Variants in AHDC1 observed in about 807,000 individuals in gnomAD.
AHDC1 encodes the protein transcription factor Gibbin.
Under a neutral mutation model 87.9 loss-of-function variants are expected in AHDC1, and 7 were observed. That is an observed-to-expected ratio of 0.08 (90% CI 0.05 to 0.15). AHDC1 has a LOEUF of 0.15. AHDC1 is among the 10% of genes least tolerant of loss of function. AHDC1 has a pLI of 1.00. For synonymous variants in AHDC1, 1,051 were observed against 1,006.8 expected (o/e 1.04, Z -0.83); for missense variants, 1,841 against 2,253.2 (o/e 0.82, Z 3.70).
intron 8 of AHDC1, among the ~76,000 whole-genome samples, chr1:27,538,503 G>A (rs1377502607): frequency 6.7e-6 from 1 of 150,332 alleles, no homozygotes; most frequent in Non-Finnish European, 1.5e-5. Context: ...TGGGCTTCAG[G>A]TTTTTTTGGT....
chr1:27,548,678 G>A lies in AHDC1; in HGVS notation c.3438C>T (p.Ser1146=). 6.2e-7 allele frequency: 1 copy of A among 1,613,406 alleles called. No individual in the cohort carries two copies. The highest frequency in any genetic ancestry group is 2.2e-5 in the East Asian group (1 of 44,880). ...VSEPNVILDI[S]NYTPQKVKQQ... ...GCTTCACCTTCTGCGGTGTGTAGTT[G>A]GAGATGTCCAGGATCACGTTGGGCT... Residue 1146 remains serine (S), a synonymous_variant, in exon 8 of 9, where the codon TCC becomes TCT. Transcript: ENST00000673934.
chr1:27,545,839 A>C (rs1319100808), intron 8 of AHDC1, among the ~76,000 whole-genome samples: 1 of 151,886 alleles, frequency 6.6e-6, no homozygotes, highest in African/African-American at 2.4e-5. Context: ...AAAGATGGGG[A>C]AACTGAGGCC....
intron 3 of AHDC1, among the ~76,000 whole-genome samples, chr1:27,589,538 TGTGA>T (rs2089164036): frequency 6.6e-6 from 1 of 152,114 alleles, no homozygotes; most frequent in Non-Finnish European, 1.5e-5. Context: ...GCGGCCTTGG[TGTGA>T]GTGAGGGCAC....
rs1571275183 is a variant in AHDC1 at position 27,563,866 on chromosome 1, T to C, written c.-628-4983A>G. 6.6e-6 allele frequency among the ~76,000 whole-genome samples: 1 copy of C among 152,044 alleles called. No homozygotes were observed. The highest frequency in any genetic ancestry group is 1.9e-4 in the East Asian group (1 of 5,196). ...CCACCTCCCCCAGCCCTCACTCCACTCCATTTCTTATTCACTGTAGTTGTG... is the reference window on the plus strand; with the variant it reads ...CCACCTCCCCCAGCCCTCACTCCACCCCATTTCTTATTCACTGTAGTTGTG... On this transcript the variant is annotated intron_variant, in intron 3 of 8. Transcript: ENST00000673934. The surrounding 1 kb of genome is among the most constrained non-coding windows in gnomAD (Gnocchi z 6.1).
At position 27,560,432 on chromosome 1, in the gene AHDC1, G is replaced by A. The variant is rs1261344160; in HGVS notation, c.-628-1549C>T. ...TGTGTGTTTGGCAGGGGGTGGGGGC[G>A]TGAGGCTGATCCTCTGCTGTCCCTG... On this transcript the variant is annotated intron_variant, in intron 3 of 8. Transcript: ENST00000673934. This position sits in a 1 kb window ranked among gnomAD's most constrained non-coding sequence, Gnocchi z 4.1. 1.3e-5 allele frequency among the ~76,000 whole-genome samples: 2 copies of A among 152,146 alleles called. No individual in the cohort carries two copies. Among genetic ancestry groups the A allele is most frequent in the Admixed American group, 1.3e-4 (2 of 15,282 alleles).
chr1:27,558,823 C>T lies in AHDC1; in HGVS notation c.-568G>A, dbSNP rs140195449. The T allele has an allele frequency of 9.8e-5, 39 of 398,708 alleles. No homozygotes were observed. Among genetic ancestry groups the T allele is most frequent in the Middle Eastern group, 6.3e-4 (1 of 1,592 alleles). 24.7% of individuals were successfully genotyped at this position (398,708 alleles called of 1,614,324 possible). A position where few individuals can be genotyped will look rare whatever the true frequency, so the allele number is the denominator to read the frequency against. ...CCCCGCACTCGGGGCCCTCTGCACA[C>T]GCTCAACTGGGTGGGCTCTGGGGTC... On this transcript the variant is annotated 5_prime_UTR_variant, in exon 4 of 9. In the 5' UTR this introduces an upstream ATG that the reference lacks. Transcript: ENST00000673934. The surrounding 1 kb of genome is among the most constrained non-coding windows in gnomAD (Gnocchi z 5.6).
At position 27,547,627 on chromosome 1, in the gene AHDC1, C is replaced by T; in HGVS notation, c.4489G>A (p.Ala1497Thr). 1 of 1,600,224 alleles carries T rather than the reference C, an allele frequency of 6.2e-7. No homozygotes were observed. The highest frequency in any genetic ancestry group is 2.3e-5 in the East Asian group (1 of 44,146). Residue 1497 changes from alanine to threonine, a missense_variant, in exon 8 of 9, where the codon GCC (alanine) becomes ACC (threonine). Physicochemically the swap from Ala to Thr is moderately conservative, Grantham distance 58 (BLOSUM62 0). Coordinates refer to ENST00000673934, the MANE Select transcript of AHDC1 (RefSeq NM_001371928.1). The surrounding 1 kb of genome is among the most constrained non-coding windows in gnomAD (Gnocchi z 4.9). ...LLADFLGRTE[A>T]ACLSAPHLAS... ...AGGTGAGGGGCACTGAGGCACGCGG[C>T]CTCCGTCCTGCCCAGGAAGTCAGCC...
chr1:27,554,828 C>T (rs1302856351), intron 5 of AHDC1, among the ~76,000 whole-genome samples: 1 of 152,224 alleles, frequency 6.6e-6, no homozygotes, highest in African/African-American at 2.4e-5. Context: ...CACTTCTCTA[C>T]TCCCCTTTGG....
At chr1:27,580,392 C>G (rs1426548547) in intron 3 of AHDC1, among the ~76,000 whole-genome samples, 2 of 152,202 alleles carry the variant, frequency 1.3e-5, no homozygotes, top group African/African-American at 4.8e-5. Context: ...GATGCGTCGT[C>G]TCTCCTCAGA....
chr1:27,594,683 CAG>C (rs145574277), intron 3 of AHDC1, among the ~76,000 whole-genome samples: 10 of 150,578 alleles, frequency 6.6e-5, no homozygotes, highest in East Asian at 1.9e-4. Flanking sequence ...GCCTGGGCAG[CAG>C]AGAGAGAGAG....
chr1:27,568,532 A>C (rs1571286810), intron 3 of AHDC1, among the ~76,000 whole-genome samples: 1 of 150,674 alleles, frequency 6.6e-6, no homozygotes, highest in South Asian at 2.1e-4. Context: ...CTTTTCCTCC[A>C]CCTCCCGCCG....
At chr1:27,592,728 G>A (rs1413565244) in intron 3 of AHDC1, among the ~76,000 whole-genome samples, 4 of 152,212 alleles carry the variant, frequency 2.6e-5, no homozygotes, top group Non-Finnish European at 5.9e-5. Context: ...AAATGGAGGG[G>A]CCGGAACGCA....
At chr1:27,541,001 T>TAAAAAAA (rs55912405) in intron 8 of AHDC1, among the ~76,000 whole-genome samples, 30 of 72,378 alleles carry the variant, frequency 4.1e-4, no homozygotes, top group South Asian at 6.4e-4. Context: ...CTAAAAATGC[T>TAAAAAAA]AAAAAAAAAA....
chr1:27,585,980 T>C (rs897242775), intron 3 of AHDC1, among the ~76,000 whole-genome samples: 1 of 152,188 alleles, frequency 6.6e-6, no homozygotes. Context: ...CCCCCGGATA[T>C]GTCCATAGAT....
intron 3 of AHDC1, among the ~76,000 whole-genome samples, chr1:27,594,396 G>A (rs1051110623): frequency 2.0e-5 from 3 of 152,172 alleles, no homozygotes; most frequent in Non-Finnish European, 4.4e-5. Context: ...AACTCCCCCT[G>A]TCCCTCTCTC....
At chr1:27,585,177 TG>T (rs2089015975) in intron 3 of AHDC1, among the ~76,000 whole-genome samples, 1 of 142,312 alleles carries the variant, frequency 7.0e-6, no homozygotes, top group Non-Finnish European at 1.5e-5. Flanking sequence ...CACCTGACCC[TG>T]GGAAGTCGAG....
At chr1:27,537,687 C>T (rs964652334) in intron 8 of AHDC1, among the ~76,000 whole-genome samples, 3 of 152,208 alleles carry the variant, frequency 2.0e-5, no homozygotes, top group Admixed American at 6.5e-5. Context: ...TAGCACGCAC[C>T]GGCCCCCAGC....
chr1:27,548,009 G>A lies in AHDC1; in HGVS notation c.4107C>T (p.Ser1369=). The change falls in exon 8 of 9, where the codon AGC becomes AGT. Residue 1369 remains serine, a synonymous_variant. Coordinates refer to ENST00000673934, the MANE Select transcript of AHDC1 (RefSeq NM_001371928.1). ...TGCCATCAAGCTCGGGAGCACCCAG[G>A]CTGGGCGAGTCGCAGTGGAAGCCTT... ...FGQGFHCDSP[S]LGAPELDGKH... is the part of the protein sequence containing the mutation. 1 of 1,609,828 alleles carries A rather than the reference G, an allele frequency of 6.2e-7. No homozygotes were observed.
At chr1:27,576,442 A>G (rs538811300) in intron 3 of AHDC1, among the ~76,000 whole-genome samples, 27 of 152,360 alleles carry the variant, frequency 1.8e-4, no homozygotes, top group Non-Finnish European at 3.7e-4. Context: ...CTGCTAACAC[A>G]GGGCACCTGC....
Sources: gnomAD v4.1 joint callset for allele counts (sites outside exome capture counted in the v4.1 genomes callset) on GRCh38, gnomAD v4.1.1 for gene constraint, Gnocchi (gnomAD v3.1) non-coding constraint, MANE v1.5 for transcripts, NCBI Gene and HGNC (gene_info 2026-07-23, HGNC 2026-07-21) for gene names.